Variants in PLCL2 observed in about 807,000 individuals in gnomAD.
PLCL2 encodes inactive phospholipase C-like protein 2.
In PLCL2, 4 loss-of-function variants were observed where a neutral mutation model predicts 79.6. The observed-to-expected ratio is 0.05, with a 90% CI of 0.02 to 0.11. The LOEUF is 0.11. PLCL2 is among the 10% of genes least tolerant of loss of function. The pLI is 1.00. For synonymous variants in PLCL2, 484 were observed against 457.7 expected (o/e 1.06, Z -0.73); for missense variants, 895 against 1,291.0 (o/e 0.69, Z 4.70).
intron 1 of PLCL2, among the ~76,000 whole-genome samples, chr3:16,970,457 A>G (rs547768310): frequency 3.4e-4 from 50 of 146,784 alleles, no homozygotes; most frequent in African/African-American, 1.2e-3. Context: ...AATCCAGTCT[A>G]TCATTGTTGG....
intron 1 of PLCL2, among the ~76,000 whole-genome samples, chr3:16,904,429 A>G (rs1190457234): frequency 2.6e-5 from 4 of 152,254 alleles, no homozygotes; most frequent in Admixed American, 2.0e-4. Context: ...TGTTTTAAAA[A>G]AGGGAAAACT....
At chr3:17,031,757 G>T (rs1341605829) in intron 3 of PLCL2, among the ~76,000 whole-genome samples, 1 of 152,066 alleles carries the variant, frequency 6.6e-6, no homozygotes, top group Non-Finnish European at 1.5e-5. Flanking sequence ...GAAGTAAAAG[G>T]ATTATTATCA....
rs148272218 is a variant in PLCL2, at chr3:17,047,692, T to A, written c.3094+4743T>A. Among the ~76,000 whole-genome samples, 7 of 152,320 alleles carry A rather than the reference T, an allele frequency of 4.6e-5. 1 individual carries two copies. The East Asian group carries it at 1.3e-3, about 29-fold the overall frequency. The stretch of plus-strand genomic sequence containing the variant: ...GCCAAAAATAATTTGAACATTTGTT[T>A]TAAAGACCCAGGGTCATCTTGAGAT... On this transcript the variant is annotated intron_variant, in intron 4 of 5. Coordinates refer to ENST00000615277, the MANE Select transcript of PLCL2 (RefSeq NM_001144382.2).
intron 5 of PLCL2, among the ~76,000 whole-genome samples, chr3:17,079,587 G>A (rs1304335891): frequency 2.0e-5 from 3 of 152,204 alleles, no homozygotes; most frequent in East Asian, 1.9e-4. Context: ...CAGCCCCTGG[G>A]CCTGCCGCCG....
At chr3:16,931,446 A>G (rs1410801089) in intron 1 of PLCL2, among the ~76,000 whole-genome samples, 1 of 152,190 alleles carries the variant, frequency 6.6e-6, no homozygotes, top group Non-Finnish European at 1.5e-5. Flanking sequence ...GAAAAAAAGC[A>G]CGTAAATGTT....
At chr3:16,923,976 T>TAAAAA (rs1697185818) in intron 1 of PLCL2, among the ~76,000 whole-genome samples, 1 of 152,208 alleles carries the variant, frequency 6.6e-6, no homozygotes, top group South Asian at 2.1e-4. Flanking sequence ...TTGATCTATT[T>TAAAAA]GTTGATCTTC....
chr3:16,931,773 A>C (rs940179991), intron 1 of PLCL2, among the ~76,000 whole-genome samples: 2 of 152,164 alleles, frequency 1.3e-5, no homozygotes, highest in African/African-American at 4.8e-5. Context: ...ACTTGATGAG[A>C]TGTTGGATAT....
chr3:17,078,229 A>G (rs1309649869), intron 5 of PLCL2, among the ~76,000 whole-genome samples: 2 of 152,138 alleles, frequency 1.3e-5, no homozygotes, highest in Non-Finnish European at 2.9e-5. Flanking sequence ...TCGGTTATCT[A>G]TTGCTGTATA....
chr3:16,893,464 T>A (rs957705097), intron 1 of PLCL2, among the ~76,000 whole-genome samples: 1 of 152,200 alleles, frequency 6.6e-6, no homozygotes, highest in African/African-American at 2.4e-5. Flanking sequence ...CTAAATGTAC[T>A]GATTTGGATA....
At chr3:16,897,660 G>A (rs1696514878) in intron 1 of PLCL2, among the ~76,000 whole-genome samples, 1 of 152,228 alleles carries the variant, frequency 6.6e-6, no homozygotes, top group Non-Finnish European at 1.5e-5. Flanking sequence ...ATTTATGCGG[G>A]GAGGATGTGA....
At chr3:16,972,076 C>T (rs948456140) in intron 1 of PLCL2, among the ~76,000 whole-genome samples, 1 of 152,036 alleles carries the variant, frequency 6.6e-6, no homozygotes, top group African/African-American at 2.4e-5. Context: ...CAGTATCATA[C>T]TGAATGGGCA....
chr3:17,062,545 C>T (rs2064963368), intron 4 of PLCL2, among the ~76,000 whole-genome samples: 2 of 152,086 alleles, frequency 1.3e-5, no homozygotes, highest in Admixed American at 1.3e-4. Context: ...TACGTTTCAC[C>T]TTTAAAGAAA....
rs1169130277 is a variant in PLCL2 at position 16,980,286 on chromosome 3, C to T, written c.328-29388C>T. ...CGGGCGGGGGGCTGACCCCCCCCACCTCCCTCTTGGACGGGGCGGCTGGCC... is the reference window on the plus strand; with the variant it reads ...CGGGCGGGGGGCTGACCCCCCCCACTTCCCTCTTGGACGGGGCGGCTGGCC... On this transcript the variant is annotated intron_variant, in intron 1 of 5. Coordinates refer to ENST00000615277, the MANE Select transcript of PLCL2 (RefSeq NM_001144382.2). Among the ~76,000 whole-genome samples, 61 of 146,542 alleles carry T rather than the reference C, an allele frequency of 4.2e-4. 1 individual carries two copies. Among genetic ancestry groups the T allele is most frequent in the Admixed American group, 2.3e-3 (34 of 14,824 alleles).
chr3:17,013,487 G>A (rs964219666), intron 2 of PLCL2, among the ~76,000 whole-genome samples: 1 of 152,208 alleles, frequency 6.6e-6, no homozygotes. Context: ...TGAGTAAGTG[G>A]TGTAATAAGA....
rs1194322649 is a variant in PLCL2 at position 17,009,065 on chromosome 3, A to G, written c.328-609A>G. ...AGTGACACAATCTCAGCTCACTGCA[A>G]CCTTTGCCTCACGGATTCAAACGAT... is the stretch of plus-strand genomic sequence containing the variant. On this transcript the variant is annotated intron_variant, in intron 1 of 5. Transcript: ENST00000615277. The surrounding 1 kb of genome is among the most constrained non-coding windows in gnomAD (Gnocchi z 4.0). Among the ~76,000 whole-genome samples, 1 of 151,878 alleles carries G rather than the reference A, an allele frequency of 6.6e-6. No individual in the cohort carries two copies. Among genetic ancestry groups the G allele is most frequent in the Non-Finnish European group, 1.5e-5 (1 of 67,982 alleles).
intron 1 of PLCL2, among the ~76,000 whole-genome samples, chr3:16,963,471 T>C (rs1459152670): frequency 2.0e-5 from 3 of 152,146 alleles, no homozygotes; most frequent in African/African-American, 4.8e-5. Context: ...TGAATAGATA[T>C]TATAAAATCA....
chr3:17,054,615 A>C (rs542577114), intron 4 of PLCL2, among the ~76,000 whole-genome samples: 23 of 152,166 alleles, frequency 1.5e-4, no homozygotes, highest in African/African-American at 5.3e-4. Flanking sequence ...ATTTTTAAAC[A>C]ACCAGATCTC....
At chr3:17,043,040 A>T in intron 4 of PLCL2, 91 bp downstream of exon 4, 1 of 804,706 alleles carries the variant, frequency 1.2e-6, no homozygotes, top group Non-Finnish European at 2.1e-6. Flanking sequence ...ATGCTATATC[A>T]AGAAAATCAA....
chr3:16,986,448 C>T (rs1218049723), intron 1 of PLCL2, among the ~76,000 whole-genome samples: 1 of 152,074 alleles, frequency 6.6e-6, no homozygotes, highest in Non-Finnish European at 1.5e-5. Flanking sequence ...GTCATCCAGG[C>T]TGGAATGCAG....
Sources: allele counts gnomAD v4.1 joint callset (sites outside exome capture counted in the v4.1 genomes callset), GRCh38; gene constraint gnomAD v4.1.1; non-coding constraint Gnocchi (gnomAD v3.1); transcripts MANE v1.5; gene names NCBI Gene and HGNC (gene_info 2026-07-23, HGNC 2026-07-21).